ARHGEF10: variants seen among roughly 807,000 people sequenced by gnomAD.
ARHGEF10 encodes Rho guanine nucleotide exchange factor 10.
A neutral mutation model predicts 147.4 loss-of-function variants in ARHGEF10; 140 were observed. That is an observed-to-expected ratio of 0.95 (90% CI 0.83 to 1.09). The LOEUF is 1.09. Among genes scored for constraint, ARHGEF10 ranks in the 50% least tolerant of loss-of-function variants. The pLI, the probability that ARHGEF10 is intolerant of heterozygous loss-of-function variation, is 0.00. For missense variants in ARHGEF10, 2,222 were observed against 1,752.7 expected (o/e 1.27, Z -4.78); for synonymous variants, 902 against 695.8 (o/e 1.30, Z -4.67).
At chr8:1,842,601 T>A (rs1238761194) in intron 1 of ARHGEF10, among the ~76,000 whole-genome samples, 1 of 152,190 alleles carries the variant, frequency 6.6e-6, no homozygotes, top group Non-Finnish European at 1.5e-5. Flanking sequence ...TCCCCGGTGC[T>A]AGAGCCTGGT....
In ARHGEF10 at chr8:1,932,258, C is replaced by T. The variant is rs1280982615; in HGVS notation, c.3080-1542C>T. 1.4e-4 allele frequency among the ~76,000 whole-genome samples: 3 copies of T among 21,076 alleles called. No homozygotes were observed. The South Asian group carries it at 0.025, about 176-fold the overall frequency. The allele number at this position is 21,076 out of a possible 152,430, so 13.8% of individuals were successfully genotyped here. On this transcript the variant is annotated intron_variant, in intron 25 of 28. Transcript: ENST00000349830. Reference sequence around the variant, plus strand: ...AGGCCCATGCACATGTGTGTATGCACAGGAGTGTGAGGGGTGTGCATTGTG... The same window carrying T: ...AGGCCCATGCACATGTGTGTATGCATAGGAGTGTGAGGGGTGTGCATTGTG...
intron 1 of ARHGEF10, among the ~76,000 whole-genome samples, chr8:1,832,156 G>C (rs2129035875): frequency 6.6e-6 from 1 of 152,332 alleles, no homozygotes; most frequent in Admixed American, 6.5e-5. Flanking sequence ...GGCAGCTGCA[G>C]TCGAATCACC....
chr8:1,910,050 G>C (rs1171535775), intron 18 of ARHGEF10, among the ~76,000 whole-genome samples: 1 of 151,856 alleles, frequency 6.6e-6, no homozygotes, highest in Non-Finnish European at 1.5e-5. Flanking sequence ...TCAGACTGCA[G>C]ATTTTAATCT....
At position 1,922,954 on chromosome 8, in the gene ARHGEF10, T is replaced by G; in HGVS notation, c.2144-10T>G. Reference sequence around the variant, plus strand: ...TGTATTCTTTTTTTTTCTTTTTGCTTATTTTGTAGACAAAGTTTACATGGG... The same window carrying G: ...TGTATTCTTTTTTTTTCTTTTTGCTGATTTTGTAGACAAAGTTTACATGGG... On this transcript the variant is annotated splice_polypyrimidine_tract_variant and intron_variant, in intron 18 of 28. Transcript: ENST00000349830. The G allele has an allele frequency of 1.3e-6, 2 of 1,588,388 alleles. No homozygotes were observed. Among genetic ancestry groups the G allele is most frequent in the Non-Finnish European group, 1.7e-6 (2 of 1,157,516 alleles).
At chr8:1,859,003 C>T (rs967707174) in intron 3 of ARHGEF10, among the ~76,000 whole-genome samples, 7 of 151,042 alleles carry the variant, frequency 4.6e-5, no homozygotes, top group Non-Finnish European at 7.4e-5. Context: ...TTTCTTTGTG[C>T]GTAGCGCCAG....
rs1485261244 is a variant in ARHGEF10, at chr8:1,933,941, A to G, written c.3221A>G (p.Glu1074Gly). The G allele has an allele frequency of 1.2e-6, 2 of 1,614,064 alleles. No homozygotes were observed. Among genetic ancestry groups the G allele is most frequent in the African/African-American group, 1.3e-5 (1 of 74,922 alleles). Residue 1074 changes from glutamate (E) to glycine (G), a missense_variant and splice_region_variant, in exon 26 of 29, where the codon GAG becomes GGG. By Grantham distance (98) the Glu-to-Gly change is moderately conservative. Coordinates refer to ENST00000349830, the MANE Select transcript of ARHGEF10 (RefSeq NM_014629.4). ...ATCAGTGTGGAGACTCATGCTGTAG[A>G]GGTAAGTCACTTAGGTGGCTACACG... ...FIISVETHAV[E>G]GQLEAHQEEG...
chr8:1,868,005 A>G (rs1265408204), intron 6 of ARHGEF10, among the ~76,000 whole-genome samples: 1 of 152,178 alleles, frequency 6.6e-6, no homozygotes, highest in Non-Finnish European at 1.5e-5. Flanking sequence ...CCGAGGTAAA[A>G]TTTGTCTGAT....
intron 5 of ARHGEF10, among the ~76,000 whole-genome samples, chr8:1,866,011 A>G (rs1318735863): frequency 6.6e-6 from 1 of 152,178 alleles, no homozygotes; most frequent in African/African-American, 2.4e-5. Context: ...GCAAAGGATG[A>G]CACCGCAGTC....
intron 27 of ARHGEF10, among the ~76,000 whole-genome samples, chr8:1,947,671 C>T (rs1476589582): frequency 2.8e-4 from 41 of 143,902 alleles, no homozygotes; most frequent in Non-Finnish European, 5.0e-4. Flanking sequence ...CCCCCATCCT[C>T]ACACCCCACC....
At chr8:1,857,922 C>CTATCTATG in intron 2 of ARHGEF10, 38 bp from the exon 3 acceptor site, 1 of 1,489,452 alleles carries the variant, frequency 6.7e-7, no homozygotes, top group Non-Finnish European at 9.4e-7. Context: ...ATCTATCTAT[C>CTATCTATG]TATCTCTCCT....
At chr8:1,873,594 G>T in intron 7 of ARHGEF10, among the ~76,000 whole-genome samples, 1 of 133,748 alleles carries the variant, frequency 7.5e-6, no homozygotes, top group Non-Finnish European at 1.6e-5. Flanking sequence ...GCATTTCCTA[G>T]TTGCCTTGAG....
intron 11 of ARHGEF10, among the ~76,000 whole-genome samples, chr8:1,890,593 A>G (rs1809440172): frequency 7.3e-6 from 1 of 137,596 alleles, no homozygotes; most frequent in African/African-American, 2.9e-5. Context: ...GTCTGTGAGG[A>G]GACACTGAGT....
intron 26 of ARHGEF10, among the ~76,000 whole-genome samples, chr8:1,942,573 C>T (rs1166280806): frequency 6.6e-6 from 1 of 152,088 alleles, no homozygotes; most frequent in African/African-American, 2.4e-5. Context: ...CGTGGCATGA[C>T]CAGGTGACCC....
chr8:1,922,459 C>A (rs1252498573), intron 18 of ARHGEF10, among the ~76,000 whole-genome samples: 1 of 152,140 alleles, frequency 6.6e-6, no homozygotes. Flanking sequence ...GTGAGACATT[C>A]TTTAACTCAC....
intron 18 of ARHGEF10, among the ~76,000 whole-genome samples, chr8:1,911,371 A>G (rs954660918): frequency 1.3e-5 from 2 of 152,200 alleles, no homozygotes; most frequent in South Asian, 4.1e-4. Flanking sequence ...CTTTTTGCCC[A>G]ATGCCTTAAA....
rs746512024 is a variant in ARHGEF10 at position 1,928,558 on chromosome 8, G to A, written c.2829G>A (p.Lys943=). The A allele has an allele frequency of 6.2e-7, 1 of 1,614,264 alleles. No homozygotes were observed. The highest frequency in any genetic ancestry group is 2.2e-5 in the East Asian group (1 of 44,894). ...LCMLYVPVEE[K]RREPGAPPDP... ...TGCTGTACGTTCCCGTCGAGGAGAA[G>A]CGCAGAGAGCCTGGGGCACCCCCGG... The change falls in exon 24 of 29, where the codon AAG becomes AAA. Residue 943 remains lysine, a synonymous_variant. Transcript: ENST00000349830.
At chr8:1,861,269 G>A (rs1001792866) in intron 4 of ARHGEF10, among the ~76,000 whole-genome samples, 2 of 152,244 alleles carry the variant, frequency 1.3e-5, no homozygotes, top group Non-Finnish European at 2.9e-5. Context: ...CGCACCAGCT[G>A]TGTCTGCAGA....
At chr8:1,889,204 A>G (rs1809150237) in intron 11 of ARHGEF10, among the ~76,000 whole-genome samples, 1 of 41,062 alleles carries the variant, frequency 2.4e-5, no homozygotes, top group African/African-American at 2.1e-4. Flanking sequence ...GAGGTTTATT[A>G]GGAGACACTG....
intron 1 of ARHGEF10, among the ~76,000 whole-genome samples, chr8:1,824,514 G>C (rs115967533): frequency 8.6e-5 from 13 of 151,854 alleles, no homozygotes; most frequent in African/African-American, 2.9e-4. Context: ...GAGAAGGACC[G>C]GTGTAAGGAA....
Sources: gnomAD v4.1 joint callset for allele counts (sites outside exome capture counted in the v4.1 genomes callset) on GRCh38, gnomAD v4.1.1 for gene constraint, MANE v1.5 for transcripts, NCBI Gene and HGNC (gene_info 2026-07-23, HGNC 2026-07-21) for gene names.